The following RFTN2 variants were observed in gnomAD, a reference collection of about 807,000 sequenced individuals.
RFTN2 encodes the protein raftlin family member 2.
A neutral mutation model predicts 52.7 loss-of-function variants in RFTN2; 34 were observed. The observed-to-expected ratio is 0.64, with a 90% CI of 0.49 to 0.86. RFTN2 has a LOEUF of 0.86. Among genes scored for constraint, RFTN2 ranks in the 40% least tolerant of loss-of-function variants. RFTN2 has a pLI of 0.00. For missense variants in RFTN2, 536 were observed against 600.1 expected, an observed-to-expected ratio of 0.89 and a Z score of 1.12; for synonymous variants, 203 against 217.7, an observed-to-expected ratio of 0.93 and a Z score of 0.59.
At chr2:197,639,014 G>T (rs1286654811) in intron 3 of RFTN2, among the ~76,000 whole-genome samples, 2 of 143,128 alleles carry the variant, frequency 1.4e-5, no homozygotes, top group South Asian at 2.4e-4. Flanking sequence ...AGTTTGGCTG[G>T]ATATGAAATT....
chr2:197,649,125 T>C (rs2088791654), intron 1 of RFTN2, among the ~76,000 whole-genome samples: 2 of 152,150 alleles, frequency 1.3e-5, no homozygotes, highest in South Asian at 4.1e-4. Flanking sequence ...AAAAGTTAGG[T>C]TAGCAATTTC....
chr2:197,632,256 C>T (rs2088479978), intron 4 of RFTN2, among the ~76,000 whole-genome samples: 1 of 152,260 alleles, frequency 6.6e-6, no homozygotes, highest in East Asian at 1.9e-4. Context: ...GTGTCCCCAC[C>T]CAGATCTCAT....
Position 197,673,716 on chromosome 2 carries a change from G to A in RFTN2, c.139+1604C>T, listed in dbSNP as rs114663126. Reference sequence around the variant, plus strand: ...ACCCAAGTGACTTTTGAATAAAGCTGCAGATCTTTCTGATTCAAGGATGAC... The same window carrying A: ...ACCCAAGTGACTTTTGAATAAAGCTACAGATCTTTCTGATTCAAGGATGAC... On this transcript the variant is annotated intron_variant, in intron 1 of 8. Coordinates refer to ENST00000295049, the MANE Select transcript of RFTN2 (RefSeq NM_144629.3). Among the ~76,000 whole-genome samples the A allele has an allele frequency of 3.8e-3, 572 of 152,312 alleles. 5 individuals are homozygous for A. The highest frequency in any genetic ancestry group is 0.013 in the African/African-American group (542 of 41,570).
At chr2:197,573,639 A>C (rs2087363731) in intron 8 of RFTN2, among the ~76,000 whole-genome samples, 1 of 152,270 alleles carries the variant, frequency 6.6e-6, no homozygotes, top group Non-Finnish European at 1.5e-5. Flanking sequence ...AGAAATTTGC[A>C]TAAGTAACAA....
At position 197,645,664 on chromosome 2, in the gene RFTN2, A is replaced by G. The variant is rs182080590; in HGVS notation, c.323+819T>C. 3.3e-5 allele frequency among the ~76,000 whole-genome samples: 5 copies of G among 152,322 alleles called. No homozygotes were observed. In the East Asian group the frequency reaches 9.6e-4, roughly 29 times the overall value. ...GGTTAGCTTTTAAATTAGATTTTGG[A>G]AAAAGGTTAACAAGAGGTCTATCTA... On this transcript the variant is annotated intron_variant, in intron 2 of 8. Coordinates refer to ENST00000295049, the MANE Select transcript of RFTN2 (RefSeq NM_144629.3).
chr2:197,673,203 A>G (rs2089170636), intron 1 of RFTN2, among the ~76,000 whole-genome samples: 1 of 152,172 alleles, frequency 6.6e-6, no homozygotes, highest in Non-Finnish European at 1.5e-5. Flanking sequence ...GACAGGCAGG[A>G]GGTGCCACTA....
chr2:197,586,173 C>T (rs926228930), intron 8 of RFTN2, among the ~76,000 whole-genome samples: 2 of 152,192 alleles, frequency 1.3e-5, no homozygotes, highest in Admixed American at 6.5e-5. Context: ...ACCTTGGCTA[C>T]CTTCCCCTTG....
intron 4 of RFTN2, among the ~76,000 whole-genome samples, 186 bp from the exon 5 acceptor site, chr2:197,631,406 G>T (rs1559356652): frequency 6.6e-6 from 1 of 152,116 alleles, no homozygotes; most frequent in Non-Finnish European, 1.5e-5. Flanking sequence ...ATACGGTTGA[G>T]GCTACTATGT....
In RFTN2 at chr2:197,655,147, C is replaced by A. The variant is rs544010698; in HGVS notation, c.140-8481G>T. 8.5e-5 allele frequency among the ~76,000 whole-genome samples: 13 copies of A among 152,182 alleles called. No individual in the cohort carries two copies. The East Asian group carries it at 2.5e-3, about 29-fold the overall frequency. On this transcript the variant is annotated intron_variant, in intron 1 of 8. Transcript: ENST00000295049. ...CCCCTTTCATTCTGTTGTTTCAGAACAGTTTTTAAAAGCAGAATTATACAA... is the reference window on the plus strand; with the variant it reads ...CCCCTTTCATTCTGTTGTTTCAGAAAAGTTTTTAAAAGCAGAATTATACAA...
chr2:197,645,807 C>A (rs1163657067), intron 2 of RFTN2, among the ~76,000 whole-genome samples: 2 of 152,116 alleles, frequency 1.3e-5, no homozygotes, highest in Non-Finnish European at 2.9e-5. Flanking sequence ...GGTGGATCAC[C>A]TGCGGTCAGG....
chr2:197,589,341 G>A (rs1269775594), intron 8 of RFTN2, among the ~76,000 whole-genome samples: 1 of 148,844 alleles, frequency 6.7e-6, no homozygotes, highest in Non-Finnish European at 1.5e-5. Context: ...TGCCATGATT[G>A]TGAGGCCTCC....
intron 8 of RFTN2, among the ~76,000 whole-genome samples, chr2:197,583,717 G>T (rs1280500385): frequency 1.1e-4 from 16 of 151,232 alleles, no homozygotes; most frequent in African/African-American, 3.7e-4. Context: ...CCATGTTGGT[G>T]TGCTGCACCC....
chr2:197,622,594 C>A (rs2088286084), intron 5 of RFTN2, among the ~76,000 whole-genome samples: 1 of 152,216 alleles, frequency 6.6e-6, no homozygotes, highest in African/African-American at 2.4e-5. Flanking sequence ...GCGTGAGCCA[C>A]TGCGCCTGGC....
chr2:197,614,649 C>T (rs574843278), intron 7 of RFTN2, among the ~76,000 whole-genome samples: 1 of 152,342 alleles, frequency 6.6e-6, no homozygotes, highest in African/African-American at 2.4e-5. Flanking sequence ...AGCACTCACC[C>T]CAGCTCCTGC....
At position 197,634,014 on chromosome 2, in the gene RFTN2, G is replaced by T; in HGVS notation, c.439-17C>A. The stretch of plus-strand genomic sequence containing the variant: ...GACATTAATCTGATATTTAAAAAGA[G>T]ATGGCAGAACAAAATGTAAACTCTA... On this transcript the variant is annotated splice_polypyrimidine_tract_variant and intron_variant, in intron 3 of 8. Coordinates refer to ENST00000295049, the MANE Select transcript of RFTN2 (RefSeq NM_144629.3). 6.3e-7 allele frequency: 1 copy of T among 1,592,650 alleles called. No homozygotes were observed. The highest frequency in any genetic ancestry group is 8.6e-7 in the Non-Finnish European group (1 of 1,167,926).
In RFTN2 at chr2:197,644,163, C is replaced by T. The variant is rs753914683; in HGVS notation, c.433G>A (p.Glu145Lys). ...AAAGTGCATAAATTTAGTACCTTTT[C>T]TATCAGTTCTTTTGCTGCGTCATTT... Reference protein sequence around the residue: ...QTNDAAKELIEKINVAAKRGM... With the variant: ...QTNDAAKELIKKINVAAKRGM... The change falls in exon 3 of 9, where the codon GAA becomes AAA. Residue 145 changes from glutamate (E) to lysine (K), a missense_variant. By Grantham distance (56) the Glu-to-Lys change is moderately conservative (BLOSUM62 1). Transcript: ENST00000295049. The T allele has an allele frequency of 3.0e-5, 48 of 1,580,548 alleles. No individual in the cohort carries two copies. The highest frequency in any genetic ancestry group is 1.7e-4 in the Middle Eastern group (1 of 5,980).
chr2:197,615,329 G>A (rs551685409), intron 7 of RFTN2, among the ~76,000 whole-genome samples: 32 of 152,212 alleles, frequency 2.1e-4, no homozygotes, highest in Non-Finnish European at 3.8e-4. Flanking sequence ...GCCAAAGCGG[G>A]CAGAGGACAC....
intron 1 of RFTN2, among the ~76,000 whole-genome samples, chr2:197,672,470 A>T (rs1030071466): frequency 6.6e-6 from 1 of 152,210 alleles, no homozygotes; most frequent in Non-Finnish European, 1.5e-5. Flanking sequence ...AATGACCTCA[A>T]TAGGTTGGTC....
Position 197,644,726 on chromosome 2 carries a change from G to C in RFTN2, c.324-454C>G, listed in dbSNP as rs189040356. On this transcript the variant is annotated intron_variant, in intron 2 of 8. Coordinates refer to ENST00000295049, the MANE Select transcript of RFTN2 (RefSeq NM_144629.3). ...CTGAAGTAATCCTAAAAGCAGAAAA[G>C]ATAATTCACACATGGTTGATAAGAT... is the stretch of plus-strand genomic sequence containing the variant. Among the ~76,000 whole-genome samples the C allele has an allele frequency of 1.1e-4, 16 of 152,276 alleles. No individual in the cohort carries two copies. The East Asian group carries it at 2.9e-3, about 28-fold the overall frequency.
Sources: allele counts gnomAD v4.1 joint callset (sites outside exome capture counted in the v4.1 genomes callset), GRCh38; gene constraint gnomAD v4.1.1; transcripts MANE v1.5; gene names NCBI Gene and HGNC (gene_info 2026-07-23, HGNC 2026-07-21).